Variants in LHFPL3 observed in about 807,000 individuals in gnomAD.
LHFPL3 encodes LHFPL tetraspan subfamily member 3 protein.
A neutral mutation model predicts 19.3 loss-of-function variants in LHFPL3; 5 were observed. The ratio of observed to expected loss-of-function variants is 0.26; its 90% confidence interval spans 0.14 to 0.54. The LOEUF (loss-of-function observed/expected upper bound fraction) is 0.54, where lower values mean the gene tolerates loss of function less well. LHFPL3 is among the 20% of genes least tolerant of loss of function. LHFPL3 has a pLI of 0.94. For synonymous variants in LHFPL3, 133 were observed against 126.2 expected (o/e 1.05, Z -0.36); for missense variants, 249 against 307.4 (o/e 0.81, Z 1.42).
At chr7:104,681,608 C>G (rs896622650) in intron 1 of LHFPL3, among the ~76,000 whole-genome samples, 2 of 143,116 alleles carry the variant, frequency 1.4e-5, no homozygotes, top group South Asian at 5.0e-4. Flanking sequence ...GGTGACAGAG[C>G]GAGACTAAGG....
At chr7:104,609,126 A>G (rs1226511690) in intron 1 of LHFPL3, among the ~76,000 whole-genome samples, 4 of 152,016 alleles carry the variant, frequency 2.6e-5, no homozygotes, top group Non-Finnish European at 4.4e-5. Flanking sequence ...TTAGCCAGGC[A>G]TGGTGGTGCG....
chr7:104,745,052 C>G (rs77272578), intron 2 of LHFPL3, among the ~76,000 whole-genome samples: 94 of 152,252 alleles, frequency 6.2e-4, no homozygotes, highest in African/African-American at 2.1e-3. Flanking sequence ...TTTTGAATAT[C>G]TAATTAGCTT....
chr7:104,875,478 T>A (rs191285008), intron 2 of LHFPL3, among the ~76,000 whole-genome samples: 2 of 152,178 alleles, frequency 1.3e-5, no homozygotes, highest in Non-Finnish European at 2.9e-5. Context: ...TTAGAGCCCA[T>A]CTGGGTGAAT....
At chr7:104,356,423 A>G (rs1469966896) in intron 1 of LHFPL3, among the ~76,000 whole-genome samples, 1 of 152,188 alleles carries the variant, frequency 6.6e-6, no homozygotes, top group East Asian at 1.9e-4. Context: ...AATGGCCTGG[A>G]GTCATCCTTT....
chr7:104,546,853 T>C (rs1231438816), intron 1 of LHFPL3, among the ~76,000 whole-genome samples: 1 of 152,226 alleles, frequency 6.6e-6, no homozygotes, highest in Non-Finnish European at 1.5e-5. Flanking sequence ...TTTTCTCTTC[T>C]GTAAAATGAG....
intron 1 of LHFPL3, among the ~76,000 whole-genome samples, chr7:104,383,433 G>A (rs375642171): frequency 3.3e-5 from 5 of 152,170 alleles, no homozygotes; most frequent in Admixed American, 6.5e-5. Flanking sequence ...TCCTGCCAGC[G>A]TACTTCCTTT....
chr7:104,467,527 A>G (rs1792816050), intron 1 of LHFPL3, among the ~76,000 whole-genome samples: 2 of 152,248 alleles, frequency 1.3e-5, no homozygotes, highest in Non-Finnish European at 2.9e-5. Context: ...ACTGTTTAAG[A>G]AACAAGTGGC....
chr7:104,860,718 G>A (rs10247246), intron 2 of LHFPL3, among the ~76,000 whole-genome samples: 13,634 of 152,204 alleles, frequency 0.09, 1,311 homozygotes, highest in East Asian at 0.43. Context: ...AGAATGTAAA[G>A]TGTTTATAGA....
chr7:104,758,945 C>A (rs1794330843), intron 2 of LHFPL3, among the ~76,000 whole-genome samples: 1 of 152,118 alleles, frequency 6.6e-6, no homozygotes, highest in Non-Finnish European at 1.5e-5. Flanking sequence ...TTAAGTTGTG[C>A]AAATAAGAAA....
At chr7:104,432,344 A>G (rs1175693828) in intron 1 of LHFPL3, among the ~76,000 whole-genome samples, 1 of 152,178 alleles carries the variant, frequency 6.6e-6, no homozygotes, top group Non-Finnish European at 1.5e-5. Context: ...ACTCCCTCTC[A>G]TCAGTGTTTT....
chr7:104,890,991 A>T (rs1792232605), intron 2 of LHFPL3, among the ~76,000 whole-genome samples: 1 of 151,966 alleles, frequency 6.6e-6, no homozygotes, highest in Admixed American at 6.6e-5. Context: ...AATCTCCCAT[A>T]GTAGAGAATT....
At chr7:104,518,951 G>T (rs569058197) in intron 1 of LHFPL3, among the ~76,000 whole-genome samples, 4 of 151,928 alleles carry the variant, frequency 2.6e-5, no homozygotes, top group Admixed American at 6.6e-5. Flanking sequence ...ATGTGAAAGG[G>T]GTACATATTT....
intron 1 of LHFPL3, among the ~76,000 whole-genome samples, chr7:104,531,989 C>G (rs527833886): frequency 7.2e-5 from 11 of 152,146 alleles, no homozygotes; most frequent in Non-Finnish European, 1.3e-4. Flanking sequence ...TGTTCTGGGC[C>G]GTGATTCCTT....
At chr7:104,669,304 C>T in intron 1 of LHFPL3, 1 of 1,613,632 alleles carries the variant, frequency 6.2e-7, no homozygotes, top group Non-Finnish European at 8.5e-7. Context: ...TGAGGAAGGA[C>T]CAGGAAGGAA....
chr7:104,669,026 C>A (rs1379446716), intron 1 of LHFPL3: 1 of 1,611,900 alleles, frequency 6.2e-7, no homozygotes, highest in Non-Finnish European at 8.5e-7. Flanking sequence ...CAGACTGGGA[C>A]CTCCACCACA....
intron 1 of LHFPL3, among the ~76,000 whole-genome samples, chr7:104,730,889 T>C (rs1384596789): frequency 2.0e-5 from 3 of 152,244 alleles, no homozygotes; most frequent in Non-Finnish European, 4.4e-5. Context: ...GTCTAACATG[T>C]AAGTCTTTAA....
At chr7:104,617,544 A>G (rs1327496960) in intron 1 of LHFPL3, among the ~76,000 whole-genome samples, 1 of 152,206 alleles carries the variant, frequency 6.6e-6, no homozygotes, top group Non-Finnish European at 1.5e-5. Context: ...AAACATCTGG[A>G]TACAAAGAGG....
rs1362506389 is a variant in LHFPL3 at position 104,907,173 on chromosome 7, C to A, written c.*958C>A. On this transcript the variant is annotated 3_prime_UTR_variant, in exon 3 of 3. Coordinates refer to ENST00000424859, the MANE Select transcript of LHFPL3 (RefSeq NM_199000.3). ...AATGTCTCCTACTTTTTTCCTATTT[C>A]TTTGCCATACATGTTATCAGAAATC... is the stretch of plus-strand genomic sequence containing the variant. 1.3e-5 allele frequency: 2 copies of A among 152,442 alleles called. No individual in the cohort carries two copies. Among genetic ancestry groups the A allele is most frequent in the South Asian group, 4.1e-4 (2 of 4,820 alleles). The allele number at this position is 152,442 out of a possible 1,614,324, so 9.4% of individuals were successfully genotyped here.
intron 1 of LHFPL3, among the ~76,000 whole-genome samples, chr7:104,418,253 T>C (rs1455801063): frequency 2.6e-5 from 4 of 152,266 alleles, no homozygotes; most frequent in African/African-American, 9.6e-5. Context: ...TACAAATATT[T>C]CCTGAGGGCA....
Sources: allele counts gnomAD v4.1 joint callset (sites outside exome capture counted in the v4.1 genomes callset), GRCh38; gene constraint gnomAD v4.1.1; transcripts MANE v1.5; gene names NCBI Gene and HGNC (gene_info 2026-07-23, HGNC 2026-07-21).